Variants in LRRC61 observed in about 807,000 individuals in gnomAD.
LRRC61 encodes the protein leucine rich repeat containing 61.
LRRC61 carries 9 observed loss-of-function variants against 15.1 expected under a neutral mutation model. The ratio of observed to expected loss-of-function variants is 0.60; its 90% CI spans 0.36 to 1.04. The LOEUF (loss-of-function observed/expected upper bound fraction) is 1.04. LRRC61 is among the 50% of genes least tolerant of loss of function. The pLI is 0.01. For missense variants in LRRC61, 344 were observed against 335.6 expected, an observed-to-expected ratio of 1.03 and a Z score of -0.20; for synonymous variants, 173 against 158.6, an observed-to-expected ratio of 1.09 and a Z score of -0.68.
upstream of LRRC61, among the ~76,000 whole-genome samples, chr7:150,322,280 TAGG>T (rs1797601952): frequency 6.6e-6 from 1 of 152,202 alleles, no homozygotes; most frequent in South Asian, 2.1e-4. Flanking sequence ...GCTGCATTCA[TAGG>T]AGGTTAGGCA....
At chr7:150,331,026 G>A (rs1798092746) in intron 2 of LRRC61, 1 of 1,611,748 alleles carries the variant, frequency 6.2e-7, no homozygotes, top group Non-Finnish European at 8.5e-7. Flanking sequence ...GACCGTTGGA[G>A]CCCAGGATGA....
intron 2 of LRRC61, chr7:150,328,856 A>C (rs1020747041): frequency 6.6e-6 from 1 of 152,202 alleles, no homozygotes; most frequent in Non-Finnish European, 1.5e-5. Context: ...ACGAATACAC[A>C]CGCATACCCT....
upstream of LRRC61, chr7:150,323,120 AC>A (rs1427556942): frequency 5.3e-6 from 1 of 188,146 alleles, no homozygotes; most frequent in Non-Finnish European, 1.1e-5. Flanking sequence ...CTAAGGCCGC[AC>A]CGATAAACGA....
upstream of LRRC61, among the ~76,000 whole-genome samples, chr7:150,319,306 C>G (rs1450568396): frequency 4.0e-5 from 6 of 151,858 alleles, no homozygotes; most frequent in African/African-American, 1.5e-4. Flanking sequence ...CTCTCAGGTT[C>G]AAGCGATTCT....
Position 150,335,403 on chromosome 7 carries a change from A to G in LRRC61, c.-144-1315A>G, listed in dbSNP as rs1243854090. 6.6e-6 allele frequency among the ~76,000 whole-genome samples: 1 copy of G among 152,256 alleles called. No homozygotes were observed. Among genetic ancestry groups the G allele is most frequent in the Non-Finnish European group, 1.5e-5 (1 of 68,046 alleles). The stretch of plus-strand genomic sequence containing the variant: ...AATGAGCTGGAATGTTGCAGACTAG[A>G]AGGGAGCTAGATAAGGAAATGGGGG... On this transcript the variant is annotated intron_variant, in intron 2 of 2. Transcript: ENST00000359623. The surrounding 1 kb of genome is among the most constrained non-coding windows in gnomAD (Gnocchi z 4.3).
chr7:150,320,161 G>T (rs1367368582), upstream of LRRC61, among the ~76,000 whole-genome samples: 1 of 152,264 alleles, frequency 6.6e-6, no homozygotes, highest in Non-Finnish European at 1.5e-5. Context: ...CCCAAGGGCA[G>T]GTTCTTGGAT....
Position 150,330,583 on chromosome 7 carries a change from G to C in LRRC61, c.-145+4573G>C, listed in dbSNP as rs139310721. The C allele has an allele frequency of 1.4e-5, 11 of 795,760 alleles. No individual in the cohort carries two copies. In the African/African-American group the frequency reaches 1.8e-4, roughly 13 times the overall value. 49.3% of individuals were successfully genotyped at this position (795,760 alleles called of 1,614,324 possible). A position where few individuals can be genotyped will look rare whatever the true frequency, so the allele number is the denominator to read the frequency against. On this transcript the variant is annotated intron_variant, in intron 2 of 2. Coordinates refer to ENST00000359623, the MANE Select transcript of LRRC61 (RefSeq NM_001142928.2). The surrounding 1 kb of genome is among the most constrained non-coding windows in gnomAD (Gnocchi z 4.6). Reference sequence around the variant, plus strand: ...TTGGCCCGGCAGCTCTGCACCGACTGTCAGCTCAACAAGCTCTTCTACCGC... The same window carrying C: ...TTGGCCCGGCAGCTCTGCACCGACTCTCAGCTCAACAAGCTCTTCTACCGC...
At chr7:150,318,931 T>G (rs142942399), upstream of LRRC61, among the ~76,000 whole-genome samples, 205 of 152,346 alleles carry the variant, frequency 1.3e-3, no homozygotes, top group African/African-American at 4.7e-3. Context: ...CTGGGCTTCT[T>G]CCAGACCCAC....
chr7:150,330,498 A>G lies in LRRC61; in HGVS notation c.-145+4488A>G. 1.3e-6 allele frequency: 1 copy of G among 780,348 alleles called. No individual in the cohort carries two copies. 48.3% of individuals were successfully genotyped at this position (780,348 alleles called of 1,614,324 possible). On this transcript the variant is annotated intron_variant, in intron 2 of 2. Coordinates refer to ENST00000359623, the MANE Select transcript of LRRC61 (RefSeq NM_001142928.2). This position sits in a 1 kb window ranked among gnomAD's most constrained non-coding sequence, Gnocchi z 4.6. ...GCACATCTTCCTGGAGCAGGTTCAC[A>G]CACACTTTCAGGAGCAGAGTGTCGG...
chr7:150,333,546 C>T lies in LRRC61; in HGVS notation c.-144-3172C>T, dbSNP rs1798180447. On this transcript the variant is annotated intron_variant, in intron 2 of 2. Coordinates refer to ENST00000359623, the MANE Select transcript of LRRC61 (RefSeq NM_001142928.2). The surrounding 1 kb of genome is among the most constrained non-coding windows in gnomAD (Gnocchi z 4.3). ...AGCGTTCCTCCCCCTAGACTTAGCT[C>T]TGCCCTGTGGGCCTCATTTCCCAGG... 6.6e-6 allele frequency among the ~76,000 whole-genome samples: 1 copy of T among 152,212 alleles called. No individual in the cohort carries two copies. The highest frequency in any genetic ancestry group is 2.4e-5 in the African/African-American group (1 of 41,460).
Position 150,336,825 on chromosome 7 carries a change from T to C in LRRC61, c.-37T>C. On this transcript the variant is annotated 5_prime_UTR_variant, in exon 3 of 3. Transcript: ENST00000359623. ...CCCCAGTGGAACCCTGTGACAGTCC[T>C]GCCAGGGCCCAGGCCATCCCAACCG... 1 of 1,568,658 alleles carries C rather than the reference T, an allele frequency of 6.4e-7. No individual in the cohort carries two copies. Among genetic ancestry groups the C allele is most frequent in the African/African-American group, 1.3e-5 (1 of 74,640 alleles).
chr7:150,316,742 C>G, the LRRC61 span, among the ~76,000 whole-genome samples: 1 of 152,124 alleles, frequency 6.6e-6, no homozygotes, highest in African/African-American at 2.4e-5. Flanking sequence ...CTTCGGCCTT[C>G]CGAAGTGCTG....
At chr7:150,311,558 T>C in the LRRC61 span, among the ~76,000 whole-genome samples, 1 of 152,196 alleles carries the variant, frequency 6.6e-6, no homozygotes, top group Non-Finnish European at 1.5e-5. Context: ...CTATTGCCCA[T>C]GGGCCCGATT....
chr7:150,334,033 AT>A, intron 2 of LRRC61: 1 of 985,086 alleles, frequency 1.0e-6, no homozygotes, highest in Non-Finnish European at 1.2e-6. Context: ...GGAAGGGCCG[AT>A]TTCTGTCCCG....
At chr7:150,322,127 A>G (rs1797583952), upstream of LRRC61, among the ~76,000 whole-genome samples, 1 of 152,216 alleles carries the variant, frequency 6.6e-6, no homozygotes, top group Non-Finnish European at 1.5e-5. Context: ...GTGGCAGAGC[A>G]CCAGAGTGGA....
chr7:150,320,777 AAAC>A (rs1448757117), upstream of LRRC61, among the ~76,000 whole-genome samples: 3 of 152,226 alleles, frequency 2.0e-5, no homozygotes, highest in East Asian at 5.8e-4. Flanking sequence ...ACAAAAACAA[AAAC>A]AAGAATGCCT....
rs61744057 is a variant in LRRC61, at chr7:150,337,444, G to A, written c.583G>A (p.Glu195Lys). The change falls in exon 3 of 3, where the codon GAG (glutamate) becomes AAG (lysine). Residue 195 changes from glutamate (E) to lysine (K), a missense_variant. Physicochemically the swap from Glu to Lys is moderately conservative, Grantham distance 56. Coordinates refer to ENST00000359623, the MANE Select transcript of LRRC61 (RefSeq NM_001142928.2). ...PSSSPGPRAT[E>K]AQPWVEPGYW... is the part of the protein sequence containing the mutation. ...CTCCAGTCCAGGCCCCAGAGCCACCGAGGCCCAGCCCTGGGTGGAGCCAGG... is the reference window on the plus strand; with the variant it reads ...CTCCAGTCCAGGCCCCAGAGCCACCAAGGCCCAGCCCTGGGTGGAGCCAGG... The A allele has an allele frequency of 4.4e-3, 7,103 of 1,604,456 alleles. 46 individuals are homozygous for A. The highest frequency in any genetic ancestry group is 4.6e-3 in the Middle Eastern group (28 of 6,060).
chr7:150,331,639 G>A (rs74334311), intron 2 of LRRC61: 3,513 of 168,168 alleles, frequency 0.021, 146 homozygotes, highest in African/African-American at 0.08. Flanking sequence ...AAACATAAGT[G>A]GGTATGAAGG....
chr7:150,337,301 G>T lies in LRRC61; in HGVS notation c.440G>T (p.Trp147Leu). ...CCGCTCTGTGCCAACCCCTCCTACT[G>T]GGCTGCAGTCCGGGAGCTGCTGCCT... is the stretch of plus-strand genomic sequence containing the variant. ...SNPLCANPSYWAAVRELLPGL... is the reference protein window; with the variant it reads ...SNPLCANPSYLAAVRELLPGL... The change falls in exon 3 of 3, where the codon TGG (tryptophan) becomes TTG (leucine). Residue 147 changes from tryptophan to leucine, a missense_variant. Trp to Leu is a moderately conservative substitution (Grantham distance 61). Transcript: ENST00000359623. The T allele has an allele frequency of 6.2e-7, 1 of 1,603,600 alleles. No individual in the cohort carries two copies. The highest frequency in any genetic ancestry group is 8.5e-7 in the Non-Finnish European group (1 of 1,179,922).
Sources: allele counts gnomAD v4.1 joint callset (sites outside exome capture counted in the v4.1 genomes callset), GRCh38; gene constraint gnomAD v4.1.1; non-coding constraint Gnocchi (gnomAD v3.1); transcripts MANE v1.5; gene names NCBI Gene and HGNC (gene_info 2026-07-23, HGNC 2026-07-21).